RFTN1: variants seen among roughly 807,000 people sequenced by gnomAD.
The protein encoded by RFTN1 is raftlin.
RFTN1 carries 26 observed loss-of-function variants against 46.5 expected under a neutral mutation model. The observed-to-expected ratio is 0.56, with a 90% CI of 0.41 to 0.78. RFTN1 has a LOEUF of 0.78. Among genes scored for constraint, RFTN1 ranks in the 30% least tolerant of loss-of-function variants. The probability of loss-of-function intolerance (pLI) is 0.00; values close to 1 mark genes in which losing one functional copy is unlikely to be tolerated. For missense variants in RFTN1, 693 were observed against 718.7 expected (o/e 0.96, Z 0.41); for synonymous variants, 261 against 284.2 (o/e 0.92, Z 0.82).
At chr3:16,455,363 T>C (rs1238939097) in intron 2 of RFTN1, among the ~76,000 whole-genome samples, 1 of 152,188 alleles carries the variant, frequency 6.6e-6, no homozygotes, top group Non-Finnish European at 1.5e-5. Flanking sequence ...GTGAAAATCC[T>C]CACGCTAGTA....
intron 4 of RFTN1, among the ~76,000 whole-genome samples, chr3:16,386,464 T>C (rs2074178414): frequency 6.6e-6 from 1 of 152,216 alleles, no homozygotes; most frequent in African/African-American, 2.4e-5. Flanking sequence ...ATTGGGCAAC[T>C]TCCCCAAGGT....
chr3:16,425,385 C>T lies in RFTN1; in HGVS notation c.332+8466G>A, dbSNP rs982673850. The stretch of plus-strand genomic sequence containing the variant: ...CAGTGCTTGTGCATTTGTTTGGGTA[C>T]CTGCTCACTGTTCTCTGTCATTTCA... On this transcript the variant is annotated intron_variant, in intron 3 of 9. Coordinates refer to ENST00000334133, the MANE Select transcript of RFTN1 (RefSeq NM_015150.2). This position sits in a 1 kb window ranked among gnomAD's most constrained non-coding sequence, Gnocchi z 4.3. Among the ~76,000 whole-genome samples, 1 of 152,156 alleles carries T rather than the reference C, an allele frequency of 6.6e-6. No individual in the cohort carries two copies. The highest frequency in any genetic ancestry group is 1.5e-5 in the Non-Finnish European group (1 of 68,032).
rs966398675 is a variant in RFTN1, at chr3:16,374,232, C to A, written c.826+3486G>T. Among the ~76,000 whole-genome samples the A allele has an allele frequency of 2.0e-5, 3 of 152,216 alleles. No homozygotes were observed. The highest frequency in any genetic ancestry group is 4.4e-5 in the Non-Finnish European group (3 of 68,028). ...AATCACAAGCCAGTAAGTGGCACAG[C>A]CAAGAGTCTTTCAAACCCCAAACCC... On this transcript the variant is annotated intron_variant, in intron 5 of 9. Coordinates refer to ENST00000334133, the MANE Select transcript of RFTN1 (RefSeq NM_015150.2). The surrounding 1 kb of genome is among the most constrained non-coding windows in gnomAD (Gnocchi z 5.4).
rs572790856 is a variant in RFTN1, at chr3:16,431,108, G to A, written c.332+2743C>T. ...CCCCTCATTGTAGCAGCTAGAATAC[G>A]GAGGCCGAGAAAGATCCATCGATGT... On this transcript the variant is annotated intron_variant, in intron 3 of 9. Transcript: ENST00000334133. Among the ~76,000 whole-genome samples the A allele has an allele frequency of 3.9e-5, 6 of 152,298 alleles. No homozygotes were observed. The South Asian group carries it at 1.0e-3, about 26-fold the overall frequency.
intron 1 of RFTN1, among the ~76,000 whole-genome samples, chr3:16,508,338 G>A (rs1415308167): frequency 6.6e-6 from 1 of 152,172 alleles, no homozygotes; most frequent in Non-Finnish European, 1.5e-5. Context: ...TACCCCAAAT[G>A]GTGTCTCCTC....
chr3:16,433,333 C>T lies in RFTN1; in HGVS notation c.332+518G>A, dbSNP rs1402717750. On this transcript the variant is annotated intron_variant, in intron 3 of 9. Coordinates refer to ENST00000334133, the MANE Select transcript of RFTN1 (RefSeq NM_015150.2). The surrounding 1 kb of genome is among the most constrained non-coding windows in gnomAD (Gnocchi z 4.4). The stretch of plus-strand genomic sequence containing the variant: ...CCTGAAAATCTAAATCAAGACCAAA[C>T]CAATTATAGCATTTTATTTAGGTGG... 6.6e-6 allele frequency among the ~76,000 whole-genome samples: 1 copy of T among 152,132 alleles called. No individual in the cohort carries two copies. The highest frequency in any genetic ancestry group is 2.4e-5 in the African/African-American group (1 of 41,424).
intron 7 of RFTN1, among the ~76,000 whole-genome samples, chr3:16,357,294 C>T (rs1002502689): frequency 8.5e-5 from 13 of 152,234 alleles, no homozygotes; most frequent in African/African-American, 2.9e-4. Flanking sequence ...ACTAGTGAAT[C>T]TTGGAAGTAA....
At position 16,385,871 on chromosome 3, in the gene RFTN1, C is replaced by T. The variant is rs891418132; in HGVS notation, c.442-7769G>A. Among the ~76,000 whole-genome samples, 1 of 152,116 alleles carries T rather than the reference C, an allele frequency of 6.6e-6. No homozygotes were observed. Among genetic ancestry groups the T allele is most frequent in the Admixed American group, 6.5e-5 (1 of 15,278 alleles). ...TCAGAACAGGATTCTGGAGCAAAGACGACCTTGGCCCATGAGAACTGCCAT... is the reference window on the plus strand; with the variant it reads ...TCAGAACAGGATTCTGGAGCAAAGATGACCTTGGCCCATGAGAACTGCCAT... On this transcript the variant is annotated intron_variant, in intron 4 of 9. Coordinates refer to ENST00000334133, the MANE Select transcript of RFTN1 (RefSeq NM_015150.2). The surrounding 1 kb of genome is among the most constrained non-coding windows in gnomAD (Gnocchi z 5.0).
chr3:16,439,125 T>A (rs66728468), intron 2 of RFTN1, among the ~76,000 whole-genome samples: 21,797 of 152,100 alleles, frequency 0.14, 1,761 homozygotes, highest in East Asian at 0.22. Context: ...TAAAAATGAA[T>A]CTCAATGATC....
rs911400964 is a variant in RFTN1 at position 16,348,528 on chromosome 3, T to G, written c.1146+9404A>C. Among the ~76,000 whole-genome samples the G allele has an allele frequency of 2.0e-5, 3 of 152,110 alleles. No individual in the cohort carries two copies. Among genetic ancestry groups the G allele is most frequent in the African/African-American group, 4.8e-5 (2 of 41,440 alleles). The stretch of plus-strand genomic sequence containing the variant: ...TGTGTCCAGGAGGCCTTGTTCAGTC[T>G]CTGCTCTCTCCCAGGGCACTTCTGG... On this transcript the variant is annotated intron_variant, in intron 7 of 9. Coordinates refer to ENST00000334133, the MANE Select transcript of RFTN1 (RefSeq NM_015150.2). This position sits in a 1 kb window ranked among gnomAD's most constrained non-coding sequence, Gnocchi z 6.3.
rs2074105800 is a variant in RFTN1, at chr3:16,384,657, C to CCTG, written c.442-6556_442-6555insCAG. Among the ~76,000 whole-genome samples, 1 of 152,148 alleles carries CCTG rather than the reference C, an allele frequency of 6.6e-6. No individual in the cohort carries two copies. Among genetic ancestry groups the CCTG allele is most frequent in the Non-Finnish European group, 1.5e-5 (1 of 68,026 alleles). On this transcript the variant is annotated intron_variant, in intron 4 of 9. Transcript: ENST00000334133. The surrounding 1 kb of genome is among the most constrained non-coding windows in gnomAD (Gnocchi z 4.7). ...TAATGAAATGCCTGTAACTAATGAG[C>CCTG]TAATTAATGCTGGGAATCAGAAACC...
At position 16,443,953 on chromosome 3, in the gene RFTN1, G is replaced by C. The variant is rs377591974; in HGVS notation, c.146-9916C>G. On this transcript the variant is annotated intron_variant, in intron 2 of 9. Coordinates refer to ENST00000334133, the MANE Select transcript of RFTN1 (RefSeq NM_015150.2). The surrounding 1 kb of genome is among the most constrained non-coding windows in gnomAD (Gnocchi z 5.5). ...AAGATACATCAAGAAGCCTTTTTAA[G>C]AAACACCAGGTCCCCTGATGCTTAG... Among the ~76,000 whole-genome samples, 2 of 152,246 alleles carry C rather than the reference G, an allele frequency of 1.3e-5. No homozygotes were observed. The highest frequency in any genetic ancestry group is 4.1e-4 in the South Asian group (2 of 4,822).
At chr3:16,323,984 C>T (rs920750222) in intron 8 of RFTN1, among the ~76,000 whole-genome samples, 2 of 152,200 alleles carry the variant, frequency 1.3e-5, no homozygotes, top group African/African-American at 4.8e-5. Context: ...TTAACCAGCT[C>T]TGGCTCACAT....
In RFTN1 at chr3:16,421,575, C is replaced by A. The variant is rs1393147337; in HGVS notation, c.333-12092G>T. ...CCATGTTGGCCAGGATGGTCTCGAT[C>A]CCTTGACTTCGTGATCCGCCCGCCT... is the stretch of plus-strand genomic sequence containing the variant. On this transcript the variant is annotated intron_variant, in intron 3 of 9. Coordinates refer to ENST00000334133, the MANE Select transcript of RFTN1 (RefSeq NM_015150.2). This position sits in a 1 kb window ranked among gnomAD's most constrained non-coding sequence, Gnocchi z 4.6. 1.3e-5 allele frequency among the ~76,000 whole-genome samples: 2 copies of A among 152,158 alleles called. No homozygotes were observed. The highest frequency in any genetic ancestry group is 1.3e-4 in the Admixed American group (2 of 15,288).
chr3:16,366,085 G>T (rs757606307), intron 6 of RFTN1, among the ~76,000 whole-genome samples: 10 of 152,202 alleles, frequency 6.6e-5, no homozygotes, highest in African/African-American at 9.7e-5. Context: ...TGTGGAGCAG[G>T]GAAGGCAGGG....
In RFTN1 at chr3:16,493,986, C is replaced by T. The variant is rs2076584772; in HGVS notation, c.-8-109G>A. On this transcript the variant is annotated intron_variant, in intron 1 of 9. Transcript: ENST00000334133. ...TTTTCCTGAAGAATACATGACAGACCTCAGCCCTTATGAAACTGAGAGTAT... is the reference window on the plus strand; with the variant it reads ...TTTTCCTGAAGAATACATGACAGACTTCAGCCCTTATGAAACTGAGAGTAT... The T allele has an allele frequency of 9.1e-6, 11 of 1,211,408 alleles. No individual in the cohort carries two copies. The South Asian group carries it at 1.3e-4, about 14-fold the overall frequency. 75.0% of individuals were successfully genotyped at this position (1,211,408 alleles called of 1,614,324 possible).
rs76585998 is a variant in RFTN1 at position 16,450,156 on chromosome 3, T to C, written c.146-16119A>G. Among the ~76,000 whole-genome samples the C allele has an allele frequency of 0.01, 1,561 of 152,332 alleles. 29 individuals are homozygous for C. The highest frequency in any genetic ancestry group is 0.035 in the African/African-American group (1,467 of 41,550). ...ATATTTCTCTGAAAGAGTCATAAAA[T>C]GTCAGCTTCTCCACTTTCCTTCCTA... On this transcript the variant is annotated intron_variant, in intron 2 of 9. Coordinates refer to ENST00000334133, the MANE Select transcript of RFTN1 (RefSeq NM_015150.2). This position sits in a 1 kb window ranked among gnomAD's most constrained non-coding sequence, Gnocchi z 4.6.
At position 16,385,892 on chromosome 3, in the gene RFTN1, G is replaced by A. The variant is rs369278389; in HGVS notation, c.442-7790C>T. Among the ~76,000 whole-genome samples the A allele has an allele frequency of 2.6e-5, 4 of 151,988 alleles. No individual in the cohort carries two copies. In the East Asian group the frequency reaches 7.7e-4, roughly 29 times the overall value. ...AAGACGACCTTGGCCCATGAGAACTGCCATCATCCAAGTAGGACCATTGAG... is the reference window on the plus strand; with the variant it reads ...AAGACGACCTTGGCCCATGAGAACTACCATCATCCAAGTAGGACCATTGAG... On this transcript the variant is annotated intron_variant, in intron 4 of 9. Transcript: ENST00000334133. This position sits in a 1 kb window ranked among gnomAD's most constrained non-coding sequence, Gnocchi z 5.0.
chr3:16,378,397 T>G (rs2073864795), intron 4 of RFTN1, among the ~76,000 whole-genome samples: 1 of 152,258 alleles, frequency 6.6e-6, no homozygotes, highest in African/African-American at 2.4e-5. Context: ...TATTAACATT[T>G]TTTAAAGAGG....
Sources: allele counts gnomAD v4.1 joint callset (sites outside exome capture counted in the v4.1 genomes callset), GRCh38; gene constraint gnomAD v4.1.1; non-coding constraint Gnocchi (gnomAD v3.1); transcripts MANE v1.5; gene names NCBI Gene and HGNC (gene_info 2026-07-23, HGNC 2026-07-21).